The following ALOX5AP variants were observed in gnomAD, a reference collection of about 807,000 sequenced individuals.
ALOX5AP encodes the protein arachidonate 5-lipoxygenase activating protein.
ALOX5AP carries 9 observed loss-of-function variants against 18.5 expected under a neutral mutation model. The observed-to-expected ratio is 0.49, with a 90% CI of 0.29 to 0.85. ALOX5AP has a LOEUF of 0.85. ALOX5AP is among the 40% of genes least tolerant of loss of function. The pLI, the probability that ALOX5AP is intolerant of heterozygous loss-of-function variation, is 0.08. For synonymous variants in ALOX5AP, 81 were observed against 78.6 expected (o/e 1.03, Z -0.16); for missense variants, 172 against 202.5 (o/e 0.85, Z 0.91).
chr13:30,753,726 T>A (rs940570538), intron 3 of ALOX5AP, among the ~76,000 whole-genome samples: 1 of 152,176 alleles, frequency 6.6e-6, no homozygotes, highest in African/African-American at 2.4e-5. Context: ...ACCCTCCTGG[T>A]GCCAGCAGCC....
At position 30,764,144 on chromosome 13, in the gene ALOX5AP, C is replaced by A; in HGVS notation, c.*38C>A. ...TATGGGGTTGGTGTTCTCATCTAAT[C>A]AATACCTACAAGTCATCATAATTCA... On this transcript the variant is annotated 3_prime_UTR_variant, in exon 5 of 5. Transcript: ENST00000380490. 1 of 1,590,872 alleles carries A rather than the reference C, an allele frequency of 6.3e-7. No homozygotes were observed. Among genetic ancestry groups the A allele is most frequent in the Non-Finnish European group, 8.6e-7 (1 of 1,164,058 alleles).
intron 1 of ALOX5AP, among the ~76,000 whole-genome samples, chr13:30,714,799 C>T (rs1387786473): frequency 6.6e-6 from 1 of 152,202 alleles, no homozygotes; most frequent in Non-Finnish European, 1.5e-5. Context: ...TGTTGAATGA[C>T]TTTACTTAGC....
At chr13:30,735,977 CTATT>C (rs1951717552) in intron 1 of ALOX5AP, among the ~76,000 whole-genome samples, 1 of 152,080 alleles carries the variant, frequency 6.6e-6, no homozygotes, top group African/African-American at 2.4e-5. Flanking sequence ...AGCATTTTAA[CTATT>C]AATTAATGTG....
chr13:30,721,560 C>T (rs1299587165), intron 1 of ALOX5AP, among the ~76,000 whole-genome samples: 2 of 152,100 alleles, frequency 1.3e-5, no homozygotes, highest in African/African-American at 4.8e-5. Context: ...TGGCCACCAC[C>T]CTAGTCTAAT....
At chr13:30,713,498 G>T in exon 1 of ALOX5AP, 1 of 510,474 alleles carries the variant, frequency 2.0e-6, no homozygotes, top group Non-Finnish European at 3.5e-6. Flanking sequence ...TGGGCATTTG[G>T]AGGTGAAGGG....
intron 1 of ALOX5AP, among the ~76,000 whole-genome samples, chr13:30,740,101 C>T (rs2137807177): frequency 6.6e-6 from 1 of 152,316 alleles, no homozygotes; most frequent in South Asian, 2.1e-4. Flanking sequence ...CTCTCCTCTT[C>T]CTGTGTTCTT....
chr13:30,750,883 A>C (rs1951846476), intron 2 of ALOX5AP, among the ~76,000 whole-genome samples: 1 of 152,164 alleles, frequency 6.6e-6, no homozygotes, highest in Non-Finnish European at 1.5e-5. Flanking sequence ...GCCATCCCTG[A>C]CTTTCAGGTT....
intron 1 of ALOX5AP, among the ~76,000 whole-genome samples, chr13:30,723,556 G>A (rs376942969): frequency 6.6e-6 from 1 of 152,168 alleles, no homozygotes; most frequent in African/African-American, 2.4e-5. Context: ...TGTGTAAAAA[G>A]AATGGGTGAG....
intron 4 of ALOX5AP, among the ~76,000 whole-genome samples, chr13:30,758,269 T>C (rs765884915): frequency 2.6e-5 from 4 of 152,212 alleles, no homozygotes; most frequent in African/African-American, 4.8e-5. Flanking sequence ...AGCTACTTGC[T>C]GAGATCTTCT....
At chr13:30,729,540 C>CT (rs572411520) in intron 1 of ALOX5AP, among the ~76,000 whole-genome samples, 57 of 151,022 alleles carry the variant, frequency 3.8e-4, no homozygotes, top group African/African-American at 1.2e-3. Flanking sequence ...ACAGATAAAG[C>CT]TAAGTCTGGA....
intron 4 of ALOX5AP, among the ~76,000 whole-genome samples, chr13:30,760,973 G>A (rs765913079): frequency 4.6e-5 from 7 of 152,112 alleles, no homozygotes; most frequent in East Asian, 1.9e-4. Flanking sequence ...CCTGGTGTGC[G>A]CTGTCTAGGC....
In ALOX5AP at chr13:30,722,833, A is replaced by AC. The variant is rs1566078888; in HGVS notation, c.116+8996dup. 6.6e-5 allele frequency among the ~76,000 whole-genome samples: 10 copies of AC among 152,014 alleles called. No homozygotes were observed. The South Asian group carries it at 1.9e-3, about 29-fold the overall frequency. On this transcript the variant is annotated intron_variant, in intron 1 of 5. Transcript: ENST00000617770. ...TTGTTAAAAGAGCTTGGATCCTTCC[A>AC]CCCCTCTCTCACTCTTGCTTCCTCT...
chr13:30,722,676 A>G (rs1951603396), intron 1 of ALOX5AP, among the ~76,000 whole-genome samples: 1 of 152,210 alleles, frequency 6.6e-6, no homozygotes, highest in Admixed American at 6.5e-5. Context: ...TACAAATCTC[A>G]TGTTGACATT....
At chr13:30,724,748 A>G (rs969541396) in intron 1 of ALOX5AP, among the ~76,000 whole-genome samples, 2 of 152,186 alleles carry the variant, frequency 1.3e-5, no homozygotes, top group African/African-American at 4.8e-5. Flanking sequence ...TGTGAACAAG[A>G]GTCATTTGAT....
At chr13:30,728,319 C>A (rs1326893544) in intron 1 of ALOX5AP, among the ~76,000 whole-genome samples, 1 of 152,192 alleles carries the variant, frequency 6.6e-6, no homozygotes, top group Admixed American at 6.5e-5. Context: ...AAACAATACA[C>A]TTCTGTTGTT....
chr13:30,756,244 A>G (rs1026406870), intron 4 of ALOX5AP, among the ~76,000 whole-genome samples: 6 of 152,106 alleles, frequency 3.9e-5, no homozygotes, highest in Non-Finnish European at 7.3e-5. Context: ...TTATTAAGCA[A>G]TTCCTCCGCA....
chr13:30,741,427 A>C (rs1324568974), intron 1 of ALOX5AP, among the ~76,000 whole-genome samples: 8 of 116,602 alleles, frequency 6.9e-5, no homozygotes, highest in African/African-American at 6.7e-5. Context: ...ATGGAGTTTC[A>C]CTCTTGTCAC....
intron 1 of ALOX5AP, among the ~76,000 whole-genome samples, chr13:30,722,460 T>C (rs1951601666): frequency 6.6e-6 from 1 of 152,194 alleles, no homozygotes; most frequent in Non-Finnish European, 1.5e-5. Flanking sequence ...TCCTAACTGA[T>C]ATTAACACTA....
At chr13:30,741,071 T>A (rs1951758966) in intron 1 of ALOX5AP, among the ~76,000 whole-genome samples, 1 of 150,062 alleles carries the variant, frequency 6.7e-6, no homozygotes, top group Non-Finnish European at 1.5e-5. Context: ...TGGCATAGTA[T>A]TTGCATTTAA....
Sources: gnomAD v4.1 joint callset for allele counts (sites outside exome capture counted in the v4.1 genomes callset) on GRCh38, gnomAD v4.1.1 for gene constraint, MANE v1.5 for transcripts, NCBI Gene and HGNC (gene_info 2026-07-23, HGNC 2026-07-21) for gene names.